Variants in ZNF599 observed in about 807,000 individuals in gnomAD.
ZNF599 encodes the protein zinc finger protein 599.
In ZNF599, 10 loss-of-function variants were observed where a neutral mutation model predicts 11.7. The ratio of observed to expected loss-of-function variants is 0.86; its 90% CI spans 0.53 to 1.45. The LOEUF (loss-of-function observed/expected upper bound fraction) is 1.45. Among genes scored for constraint, ZNF599 ranks in the 40% most tolerant of loss-of-function variants. ZNF599 has a pLI of 0.00. For missense variants in ZNF599, 688 were observed against 713.6 expected (o/e 0.96, Z 0.41); for synonymous variants, 232 against 253.2 (o/e 0.92, Z 0.79).
the ZNF599 span, among the ~76,000 whole-genome samples, chr19:34,805,423 CTT>C: frequency 6.6e-6 from 1 of 152,262 alleles, no homozygotes; most frequent in African/African-American, 2.4e-5. Context: ...GTCTCAATCT[CTT>C]GACCTCGTGA....
In ZNF599 at chr19:34,772,907, C is replaced by T. The variant is rs1042765238; in HGVS notation, c.-66G>A. ...AAGCCGGTCCTGCGGGCTCGGCCGA[C>T]CCCGGGCTCCGGCTCTGGGCTGCGA... On this transcript the variant is annotated 5_prime_UTR_variant, in exon 1 of 4. Coordinates refer to ENST00000329285, the MANE Select transcript of ZNF599 (RefSeq NM_001007248.3). 1 of 1,398,030 alleles carries T rather than the reference C, an allele frequency of 7.2e-7. No individual in the cohort carries two copies. Among genetic ancestry groups the T allele is most frequent in the African/African-American group, 1.5e-5 (1 of 65,702 alleles). The allele number at this position is 1,398,030 out of a possible 1,614,324, so 86.6% of individuals were successfully genotyped here.
chr19:34,763,611 T>TG (rs2069125060), intron 3 of ZNF599: 1 of 152,204 alleles, frequency 6.6e-6, no homozygotes, highest in Non-Finnish European at 1.5e-5. Flanking sequence ...ACCTTAGACT[T>TG]GCGGCCTCTA....
Position 34,759,180 on chromosome 19 carries a change from C to T in ZNF599, c.1621G>A (p.Glu541Lys). The change falls in exon 4 of 4, where the codon GAG becomes AAG. Residue 541 changes from glutamate (E) to lysine (K), a missense_variant. By Grantham distance (56) the Glu-to-Lys change is moderately conservative. Coordinates refer to ENST00000329285, the MANE Select transcript of ZNF599 (RefSeq NM_001007248.3). Reference protein sequence around the residue: ...GEKPFECKECEKAFCDNFALT... With the variant: ...GEKPFECKECKKAFCDNFALT... ...GCAAAGTTGTCACAGAAGGCTTTCTCACATTCTTTGCATTCAAAAGGTTTT... is the reference window on the plus strand; with the variant it reads ...GCAAAGTTGTCACAGAAGGCTTTCTTACATTCTTTGCATTCAAAAGGTTTT... 1 of 1,614,200 alleles carries T rather than the reference C, an allele frequency of 6.2e-7. No homozygotes were observed. The highest frequency in any genetic ancestry group is 1.1e-5 in the South Asian group (1 of 91,080).
At chr19:34,778,962 T>C in the ZNF599 span, among the ~76,000 whole-genome samples, 1 of 152,174 alleles carries the variant, frequency 6.6e-6, no homozygotes, top group African/African-American at 2.4e-5. Flanking sequence ...TTTACAGAAA[T>C]GTAAGATACT....
At chr19:34,779,273 A>ATTTTTTTTTTTTTTTTTTTGTTTTTTT in the ZNF599 span, 1 of 89,270 alleles carries the variant, frequency 1.1e-5, no homozygotes, top group Admixed American at 1.5e-4. Context: ...TTTTTTTTTC[A>ATTTTTTTTTTTTTTTTTTTGTTTTTTT]TTTTTTGAAG....
intron 3 of ZNF599, among the ~76,000 whole-genome samples, chr19:34,766,615 C>A (rs767200291): frequency 5.9e-5 from 9 of 152,190 alleles, no homozygotes; most frequent in African/African-American, 9.7e-5. Flanking sequence ...TGATCACATT[C>A]CCAAACAACC....
chr19:34,805,698 T>C, the ZNF599 span, among the ~76,000 whole-genome samples: 1 of 152,154 alleles, frequency 6.6e-6, no homozygotes, highest in Non-Finnish European at 1.5e-5. Context: ...AGGGAGCCTA[T>C]TAAGACCTGA....
intron 2 of ZNF599, among the ~76,000 whole-genome samples, chr19:34,768,820 G>C (rs771243735): frequency 2.6e-5 from 4 of 152,100 alleles, no homozygotes; most frequent in African/African-American, 9.7e-5. Context: ...CAAGAGACAG[G>C]AAAGAGAAAA....
chr19:34,770,294 A>T (rs1235200849), intron 1 of ZNF599, among the ~76,000 whole-genome samples: 1 of 152,234 alleles, frequency 6.6e-6, no homozygotes, highest in Admixed American at 6.5e-5. Flanking sequence ...ATTTGAACCC[A>T]CATCCCTCGG....
chr19:34,766,987 G>T (rs2069148333), intron 3 of ZNF599: 1 of 240,034 alleles, frequency 4.2e-6, no homozygotes, highest in Non-Finnish European at 8.1e-6. Context: ...TGAGTCACAT[G>T]ATTTTGGAGT....
At chr19:34,796,986 C>G in the ZNF599 span, among the ~76,000 whole-genome samples, 1 of 149,432 alleles carries the variant, frequency 6.7e-6, no homozygotes, top group Admixed American at 6.7e-5. Context: ...ACAACAGGCC[C>G]CGGTGTGTGA....
At chr19:34,789,349 A>G in the ZNF599 span, among the ~76,000 whole-genome samples, 1 of 152,112 alleles carries the variant, frequency 6.6e-6, no homozygotes, top group South Asian at 2.1e-4. Flanking sequence ...GGTTAATTTA[A>G]TTTCCTTTGT....
intron 1 of ZNF599, among the ~76,000 whole-genome samples, chr19:34,771,062 T>C (rs1370878066): frequency 6.6e-6 from 1 of 151,996 alleles, no homozygotes; most frequent in Non-Finnish European, 1.5e-5. Context: ...ACTGTTTGAG[T>C]TCAGGAGTTC....
chr19:34,773,576 A>C (rs912014246), upstream of ZNF599, among the ~76,000 whole-genome samples: 1 of 152,066 alleles, frequency 6.6e-6, no homozygotes, highest in Non-Finnish European at 1.5e-5. Flanking sequence ...AGGAAAATGA[A>C]GATAATTATT....
chr19:34,799,563 C>A, the ZNF599 span, among the ~76,000 whole-genome samples: 3 of 152,194 alleles, frequency 2.0e-5, no homozygotes, highest in East Asian at 5.8e-4. Flanking sequence ...AACTTAAGTT[C>A]AAAATATGAA....
chr19:34,759,934 G>C lies in ZNF599; in HGVS notation c.867C>G (p.Gly289=), dbSNP rs765359214. The part of the protein sequence containing the change: ...GDKPYECKEC[G]KAFTHRSSFI... Reference sequence around the variant, plus strand: ...AAGAAGAGCGGTGGGTGAATGCTTTGCCACATTCTTTGCACTCATAGGGCT... The same window carrying C: ...AAGAAGAGCGGTGGGTGAATGCTTTCCCACATTCTTTGCACTCATAGGGCT... The change falls in exon 4 of 4, where the codon GGC becomes GGG. Residue 289 remains glycine (G), a synonymous_variant. Coordinates refer to ENST00000329285, the MANE Select transcript of ZNF599 (RefSeq NM_001007248.3). 3 of 1,613,886 alleles carry C rather than the reference G, an allele frequency of 1.9e-6. No homozygotes were observed. In the Admixed American group the frequency reaches 5.0e-5, roughly 27 times the overall value.
At chr19:34,783,254 A>G in the ZNF599 span, among the ~76,000 whole-genome samples, 2 of 152,232 alleles carry the variant, frequency 1.3e-5, no homozygotes, top group East Asian at 3.8e-4. Flanking sequence ...ATGCAGGGCT[A>G]CACAGGGAAG....
the ZNF599 span, among the ~76,000 whole-genome samples, chr19:34,798,256 A>T: frequency 6.6e-6 from 1 of 152,208 alleles, no homozygotes; most frequent in Non-Finnish European, 1.5e-5. Context: ...CGTTACAATC[A>T]AGATTTAGGC....
the ZNF599 span, among the ~76,000 whole-genome samples, chr19:34,792,425 T>G: frequency 3.3e-5 from 5 of 152,176 alleles, no homozygotes; most frequent in Admixed American, 1.3e-4. Context: ...GACTGATGCC[T>G]GACTTTCTGC....
Sources: gnomAD v4.1 joint callset for allele counts (sites outside exome capture counted in the v4.1 genomes callset) on GRCh38, gnomAD v4.1.1 for gene constraint, MANE v1.5 for transcripts, NCBI Gene and HGNC (gene_info 2026-07-23, HGNC 2026-07-21) for gene names.